Variants in PITPNC1 observed in about 807,000 individuals in gnomAD.
PITPNC1 encodes the protein phosphatidylinositol transfer protein cytoplasmic 1.
In PITPNC1, 18 loss-of-function variants were observed where a neutral mutation model predicts 44.7. The observed-to-expected ratio is 0.40, with a 90% CI of 0.28 to 0.60. The LOEUF is 0.60. Ranked by LOEUF, PITPNC1 falls within the 20% of genes least tolerant of loss-of-function variation. PITPNC1 has a pLI of 0.39. For missense variants in PITPNC1, 290 were observed against 418.4 expected (o/e 0.69, Z 2.68); for synonymous variants, 141 against 149.6 (o/e 0.94, Z 0.42).
intron 6 of PITPNC1, among the ~76,000 whole-genome samples, chr17:67,634,574 C>G (rs1036753808): frequency 6.6e-6 from 1 of 152,116 alleles, no homozygotes; most frequent in Non-Finnish European, 1.5e-5. Context: ...CTTAGGGTCC[C>G]TCCCTTCAGG....
chr17:67,640,047 T>C (rs114526311), intron 6 of PITPNC1, among the ~76,000 whole-genome samples: 2,175 of 152,206 alleles, frequency 0.014, 56 homozygotes, highest in African/African-American at 0.051. Flanking sequence ...CCGGGGTACA[T>C]CGTTAAGTTC....
intron 6 of PITPNC1, among the ~76,000 whole-genome samples, chr17:67,668,672 G>C (rs1482594226): frequency 6.6e-6 from 1 of 152,088 alleles, no homozygotes; most frequent in African/African-American, 2.4e-5. Context: ...GACCATCCTG[G>C]CTAACACAGT....
chr17:67,441,911 TG>T (rs960090010), intron 1 of PITPNC1, among the ~76,000 whole-genome samples: 3 of 152,170 alleles, frequency 2.0e-5, no homozygotes, highest in Middle Eastern at 3.4e-3. Context: ...CTTACTGAGC[TG>T]GGTGCAAAAT....
intron 5 of PITPNC1, among the ~76,000 whole-genome samples, chr17:67,608,554 G>T (rs192196027): frequency 6.7e-6 from 1 of 148,772 alleles, no homozygotes; most frequent in Admixed American, 6.7e-5. Context: ...GCAATGGTGC[G>T]ATCTGAGCTC....
At chr17:67,486,689 C>T (rs182913180) in intron 1 of PITPNC1, among the ~76,000 whole-genome samples, 4 of 152,188 alleles carry the variant, frequency 2.6e-5, no homozygotes, top group Admixed American at 2.0e-4. Context: ...AGACACATAA[C>T]GAGGAATGTG....
chr17:67,598,238 A>AAAAAG (rs746181951), intron 5 of PITPNC1, among the ~76,000 whole-genome samples: 56 of 152,308 alleles, frequency 3.7e-4, no homozygotes, highest in Middle Eastern at 3.4e-3. Context: ...TCCGTCTCAA[A>AAAAAG]AAAAGAAAAG....
At chr17:67,588,614 G>A (rs915352783) in intron 5 of PITPNC1, among the ~76,000 whole-genome samples, 54 of 152,238 alleles carry the variant, frequency 3.5e-4, no homozygotes, top group African/African-American at 1.3e-3. Flanking sequence ...AATAGAGCGT[G>A]TATAGAGTTT....
At chr17:67,587,775 T>TG (rs559629368) in intron 5 of PITPNC1, among the ~76,000 whole-genome samples, 340 of 152,334 alleles carry the variant, frequency 2.2e-3, no homozygotes, top group African/African-American at 7.9e-3. Context: ...AAGATTTACT[T>TG]AGAGAGATCT....
At chr17:67,419,108 T>C (rs2038627581) in intron 1 of PITPNC1, among the ~76,000 whole-genome samples, 1 of 152,018 alleles carries the variant, frequency 6.6e-6, no homozygotes, top group Admixed American at 6.6e-5. Context: ...TTCAGTGGTA[T>C]TAAGCAGAGA....
intron 8 of PITPNC1, among the ~76,000 whole-genome samples, chr17:67,683,082 C>T (rs1482360991): frequency 6.7e-6 from 1 of 150,028 alleles, no homozygotes; most frequent in Non-Finnish European, 1.5e-5. Flanking sequence ...ATCGCTTGAA[C>T]CCGGAAGGCC....
intron 1 of PITPNC1, among the ~76,000 whole-genome samples, chr17:67,474,150 T>C (rs1033629144): frequency 6.6e-6 from 1 of 151,976 alleles, no homozygotes; most frequent in Non-Finnish European, 1.5e-5. Flanking sequence ...GCGAAGTTCC[T>C]AGGAAGGTCA....
rs1447506573 is a variant in PITPNC1 at position 67,508,558 on chromosome 17, G to A, written c.49-24244G>A. On this transcript the variant is annotated intron_variant, in intron 1 of 8. Coordinates refer to ENST00000581322, the MANE Select transcript of PITPNC1 (RefSeq NM_012417.4). The surrounding 1 kb of genome is among the most constrained non-coding windows in gnomAD (Gnocchi z 4.2). ...TTTTTTATGACCTGTATCTCACGCC[G>A]ACCTTCTGTCTCATCCTGTGACTTA... Among the ~76,000 whole-genome samples, 1 of 152,126 alleles carries A rather than the reference G, an allele frequency of 6.6e-6. No homozygotes were observed. Among genetic ancestry groups the A allele is most frequent in the African/African-American group, 2.4e-5 (1 of 41,410 alleles).
chr17:67,675,653 C>G lies in PITPNC1; in HGVS notation c.682+111C>G. 4 of 745,204 alleles carry G rather than the reference C, an allele frequency of 5.4e-6. No homozygotes were observed. The South Asian group carries it at 6.1e-5, about 11-fold the overall frequency. 46.2% of individuals were successfully genotyped at this position (745,204 alleles called of 1,614,324 possible). ...AAGGACAACAACAAAGGCAAGGCCGCTGCTTCCTGTGTTGGAAATAGCACT... is the reference window on the plus strand; with the variant it reads ...AAGGACAACAACAAAGGCAAGGCCGGTGCTTCCTGTGTTGGAAATAGCACT... On this transcript the variant is annotated intron_variant, in intron 8 of 8. Transcript: ENST00000581322.
intron 1 of PITPNC1, among the ~76,000 whole-genome samples, chr17:67,452,926 T>C (rs576486032): frequency 2.0e-5 from 3 of 152,378 alleles, no homozygotes; most frequent in East Asian, 3.9e-4. Context: ...TACTTGGTAT[T>C]ATCCGTCTTT....
rs1159323877 is a variant in PITPNC1 at position 67,573,750 on chromosome 17, T to TG, written c.295-4431dup. ...GTTAATTCTTGTATTTTTGTAGAGA[T>TG]GGGGGTCTCACCATTGGCCAGCCTG... On this transcript the variant is annotated intron_variant, in intron 4 of 8. Coordinates refer to ENST00000581322, the MANE Select transcript of PITPNC1 (RefSeq NM_012417.4). Among the ~76,000 whole-genome samples the TG allele has an allele frequency of 3.3e-5, 5 of 151,950 alleles. No individual in the cohort carries two copies. In the South Asian group the frequency reaches 8.3e-4, roughly 25 times the overall value.
chr17:67,477,334 C>A (rs2039644752), intron 1 of PITPNC1, among the ~76,000 whole-genome samples: 2 of 150,846 alleles, frequency 1.3e-5, no homozygotes, highest in African/African-American at 4.9e-5. Flanking sequence ...GCAACCTCTG[C>A]CTCCCGGGTT....
chr17:67,662,585 T>C (rs1567765365), intron 6 of PITPNC1, among the ~76,000 whole-genome samples: 1 of 152,204 alleles, frequency 6.6e-6, no homozygotes, highest in Non-Finnish European at 1.5e-5. Flanking sequence ...TCATTCTGCA[T>C]ACCACTCCCT....
At position 67,512,291 on chromosome 17, in the gene PITPNC1, G is replaced by C. The variant is rs142834304; in HGVS notation, c.49-20511G>C. On this transcript the variant is annotated intron_variant, in intron 1 of 8. Transcript: ENST00000581322. ...AGGCGGGCGGATCATTTGAGGTCAG[G>C]AGTTTGAGGCCAGCCTGATCAAACA... 2.7e-3 allele frequency among the ~76,000 whole-genome samples: 404 copies of C among 152,294 alleles called. 1 individual carries two copies. The highest frequency in any genetic ancestry group is 4.4e-3 in the Non-Finnish European group (298 of 68,020).
chr17:67,522,016 C>A (rs1054882373), intron 1 of PITPNC1, among the ~76,000 whole-genome samples: 1 of 151,996 alleles, frequency 6.6e-6, no homozygotes, highest in African/African-American at 2.4e-5. Context: ...TATTAAAGAC[C>A]TCTCGGGCTG....
Sources: allele counts gnomAD v4.1 joint callset (sites outside exome capture counted in the v4.1 genomes callset), GRCh38; gene constraint gnomAD v4.1.1; non-coding constraint Gnocchi (gnomAD v3.1); transcripts MANE v1.5; gene names NCBI Gene and HGNC (gene_info 2026-07-23, HGNC 2026-07-21).